ABHD5: variants seen among roughly 807,000 people sequenced by gnomAD.
The protein encoded by ABHD5 is abhydrolase domain containing 5, lysophosphatidic acid acyltransferase.
In ABHD5, 30 loss-of-function variants were observed where a neutral mutation model predicts 44.9. That is an observed-to-expected ratio of 0.67 (90% confidence interval 0.50 to 0.91). ABHD5 has a LOEUF of 0.91. Among genes scored for constraint, ABHD5 ranks in the 40% least tolerant of loss-of-function variants. The pLI is 0.00. For synonymous variants in ABHD5, 167 were observed against 147.0 expected (o/e 1.14, Z -0.99); for missense variants, 399 against 423.4 (o/e 0.94, Z 0.50).
chr3:43,696,364 T>G (rs1174485299), intron 1 of ABHD5, among the ~76,000 whole-genome samples: 1 of 152,236 alleles, frequency 6.6e-6, no homozygotes, highest in African/African-American at 2.4e-5. Context: ...AATTTTTGCC[T>G]TGAATTTTGT....
downstream of ABHD5, among the ~76,000 whole-genome samples, chr3:43,725,225 A>G (rs1017211335): frequency 6.6e-6 from 1 of 152,224 alleles, no homozygotes; most frequent in Non-Finnish European, 1.5e-5. Context: ...GAAAGGGGCA[A>G]CTGAATTAGA....
downstream of ABHD5, among the ~76,000 whole-genome samples, chr3:43,725,388 G>T (rs1322633728): frequency 6.6e-6 from 1 of 152,058 alleles, no homozygotes; most frequent in Non-Finnish European, 1.5e-5. Flanking sequence ...GCGTTTATTT[G>T]CCTGTTTGCT....
rs958395398 is a variant in ABHD5, at chr3:43,702,108, C to A, written c.134-107C>A. 4 of 944,794 alleles carry A rather than the reference C, an allele frequency of 4.2e-6. No homozygotes were observed. In the African/African-American group the frequency reaches 6.7e-5, roughly 16 times the overall value. 58.5% of individuals were successfully genotyped at this position (944,794 alleles called of 1,614,324 possible). A position where few individuals can be genotyped will look rare whatever the true frequency, so the allele number is the denominator to read the frequency against. ...AATAGCTGACAATACAAGCTAAAAT[C>A]ATGAGATTGGATACTAGATGATTTG... On this transcript the variant is annotated intron_variant, in intron 2 of 6. Coordinates refer to ENST00000644371, the MANE Select transcript of ABHD5 (RefSeq NM_016006.6).
At position 43,721,863 on chromosome 3, in the gene ABHD5, A is replaced by C. The variant is rs903963743; in HGVS notation, c.*3331A>C. Reference sequence around the variant, plus strand: ...AATAGAATGCAAATGGTCTTTAAACATACAAGGATATGCATAAAAAGACAA... The same window carrying C: ...AATAGAATGCAAATGGTCTTTAAACCTACAAGGATATGCATAAAAAGACAA... On this transcript the variant is annotated 3_prime_UTR_variant, in exon 7 of 7. Coordinates refer to ENST00000644371, the MANE Select transcript of ABHD5 (RefSeq NM_016006.6). The C allele has an allele frequency of 4.6e-5, 7 of 152,240 alleles. No individual in the cohort carries two copies. Among genetic ancestry groups the C allele is most frequent in the African/African-American group, 1.7e-4 (7 of 41,456 alleles). The allele number at this position is 152,240 out of a possible 1,614,324, so 9.4% of individuals were successfully genotyped here.
intron 3 of ABHD5, among the ~76,000 whole-genome samples, chr3:43,703,744 TATGTACCTATAAG>T (rs141933548): frequency 0.086 from 13,014 of 152,194 alleles, 770 homozygotes; most frequent in South Asian, 0.21. Flanking sequence ...AGAGTGCCTG[TATGTACCTATAAG>T]ATCTCCCCAT....
At chr3:43,728,850 C>T (rs2084895474) in intron 7 of ABHD5, among the ~76,000 whole-genome samples, 1 of 152,156 alleles carries the variant, frequency 6.6e-6, no homozygotes, top group Non-Finnish European at 1.5e-5. Flanking sequence ...TGCGTGCTTC[C>T]TGGTTGCCAG....
At chr3:43,708,913 T>C (rs768955633) in intron 3 of ABHD5, among the ~76,000 whole-genome samples, 28 of 152,224 alleles carry the variant, frequency 1.8e-4, no homozygotes, top group Admixed American at 3.3e-4. Context: ...TCAATGCTTA[T>C]GATTTATTTT....
At chr3:43,732,058 T>C (rs912757983) in intron 7 of ABHD5, among the ~76,000 whole-genome samples, 1 of 152,046 alleles carries the variant, frequency 6.6e-6, no homozygotes, top group African/African-American at 2.4e-5. Flanking sequence ...AAACAAAAAA[T>C]GATCCCAGTA....
intron 3 of ABHD5, among the ~76,000 whole-genome samples, chr3:43,708,706 TGTA>T (rs1175450815): frequency 6.6e-6 from 1 of 152,230 alleles, no homozygotes; most frequent in African/African-American, 2.4e-5. Flanking sequence ...GGTCTTTACA[TGTA>T]GTAGAAGCAG....
chr3:43,722,836 A>G (rs1444869788), downstream of ABHD5: 2 of 152,230 alleles, frequency 1.3e-5, no homozygotes, highest in Non-Finnish European at 2.9e-5. Context: ...GATTTTCAGC[A>G]GAGGAGAAAA....
chr3:43,704,755 C>T, intron 3 of ABHD5, among the ~76,000 whole-genome samples: 1 of 152,168 alleles, frequency 6.6e-6, no homozygotes, highest in East Asian at 1.9e-4. Context: ...GCTAGTGATT[C>T]CTGCATTGGA....
At chr3:43,732,715 G>A (rs1231416361) in intron 7 of ABHD5, among the ~76,000 whole-genome samples, 1 of 152,216 alleles carries the variant, frequency 6.6e-6, no homozygotes, top group Non-Finnish European at 1.5e-5. Context: ...ATAATCTCAT[G>A]GTTTCTGCGG....
At chr3:43,707,963 G>GTGGC (rs1418880198) in intron 3 of ABHD5, among the ~76,000 whole-genome samples, 1 of 152,134 alleles carries the variant, frequency 6.6e-6, no homozygotes, top group East Asian at 1.9e-4. Context: ...TTTCTGACTG[G>GTGGC]TGGCTGTCTT....
chr3:43,702,462 G>T lies in ABHD5; in HGVS notation c.381G>T (p.Val127=), dbSNP rs1559412412. The T allele has an allele frequency of 6.2e-7, 1 of 1,614,188 alleles. No homozygotes were observed. Among genetic ancestry groups the T allele is most frequent in the African/African-American group, 1.3e-5 (1 of 75,042 alleles). Residue 127 remains valine (V), a synonymous_variant, in exon 3 of 7, where the codon GTG becomes GTT. Coordinates refer to ENST00000644371, the MANE Select transcript of ABHD5 (RefSeq NM_016006.6). ...GGTTTGACAGTGATGCAGAAGAAGT[G>T]GAGAATCAGTTTGTGGAATCCATTG... is the stretch of plus-strand genomic sequence containing the variant. The part of the protein sequence containing the change: ...RPRFDSDAEE[V]ENQFVESIEE...
At chr3:43,708,319 G>C (rs1213442574) in intron 3 of ABHD5, among the ~76,000 whole-genome samples, 1 of 152,174 alleles carries the variant, frequency 6.6e-6, no homozygotes, top group Non-Finnish European at 1.5e-5. Flanking sequence ...AACAATCCCA[G>C]CAGGGAACCC....
intron 4 of ABHD5, among the ~76,000 whole-genome samples, chr3:43,714,124 T>A (rs1415079135): frequency 2.6e-5 from 4 of 150,974 alleles, no homozygotes; most frequent in African/African-American, 9.8e-5. Context: ...TTTCTTTCTT[T>A]CTTTCTTTTT....
chr3:43,733,519 A>G (rs1460441968), intron 7 of ABHD5, among the ~76,000 whole-genome samples: 1 of 152,236 alleles, frequency 6.6e-6, no homozygotes, highest in Non-Finnish European at 1.5e-5. Flanking sequence ...AAAGGTCAAA[A>G]TGTTATGCCA....
At chr3:43,697,887 C>A (rs1169306727) in intron 1 of ABHD5, among the ~76,000 whole-genome samples, 4 of 152,120 alleles carry the variant, frequency 2.6e-5, no homozygotes, top group Non-Finnish European at 5.9e-5. Flanking sequence ...TAGCTGTATA[C>A]CCTTGGACTT....
chr3:43,699,291 T>C lies in ABHD5; in HGVS notation c.63T>C (p.Thr21=), dbSNP rs1378725778. The C allele has an allele frequency of 6.2e-7, 1 of 1,614,070 alleles. No individual in the cohort carries two copies. The highest frequency in any genetic ancestry group is 1.7e-5 in the Admixed American group (1 of 60,016). ...ADTGERSGWL[T]GWLPTWCPTS... is the part of the protein sequence containing the mutation. ...GGTGCTCTAGGTCAGGATGGCTAAC[T>C]GGTTGGCTCCCCACATGGTGCCCTA... The change falls in exon 2 of 7, where the codon ACT becomes ACC. Residue 21 remains threonine (T), a synonymous_variant. Coordinates refer to ENST00000644371, the MANE Select transcript of ABHD5 (RefSeq NM_016006.6).
Sources: gnomAD v4.1 joint callset for allele counts (sites outside exome capture counted in the v4.1 genomes callset) on GRCh38, gnomAD v4.1.1 for gene constraint, MANE v1.5 for transcripts, NCBI Gene and HGNC (gene_info 2026-07-23, HGNC 2026-07-21) for gene names.